PCDH7: variants seen among roughly 807,000 people sequenced by gnomAD.
The protein encoded by PCDH7 is protocadherin 7, also known as protocadherin-7.
In PCDH7, 17 loss-of-function variants were observed where a neutral mutation model predicts 58.9. That is an observed-to-expected ratio of 0.29 (90% CI 0.20 to 0.43). The LOEUF (loss-of-function observed/expected upper bound fraction) is 0.43. Among genes scored for constraint, PCDH7 ranks in the 20% least tolerant of loss-of-function variants. PCDH7 has a pLI of 1.00. For missense variants in PCDH7, 1,274 were observed against 1,441.0 expected (o/e 0.88, Z 1.88); for synonymous variants, 664 against 616.4 (o/e 1.08, Z -1.14).
intron 3 of PCDH7, among the ~76,000 whole-genome samples, chr4:31,006,713 A>G (rs942339177): frequency 4.6e-5 from 7 of 151,836 alleles, no homozygotes; most frequent in Non-Finnish European, 8.8e-5. Flanking sequence ...ACCAACATGG[A>G]AAAACCCTGT....
chr4:31,025,390 G>C (rs1160309608), intron 3 of PCDH7, among the ~76,000 whole-genome samples: 2 of 152,158 alleles, frequency 1.3e-5, no homozygotes, highest in Non-Finnish European at 2.9e-5. Context: ...CTAATAATTG[G>C]AAGAAATCCC....
At chr4:30,988,942 A>G (rs1463265197) in intron 3 of PCDH7, among the ~76,000 whole-genome samples, 1 of 152,188 alleles carries the variant, frequency 6.6e-6, no homozygotes, top group African/African-American at 2.4e-5. Flanking sequence ...AGAAAAACTG[A>G]CAGCTTGATT....
intron 1 of PCDH7, among the ~76,000 whole-genome samples, chr4:30,871,015 G>A (rs1050418977): frequency 5.9e-5 from 9 of 151,978 alleles, no homozygotes; most frequent in African/African-American, 1.2e-4. Flanking sequence ...TGAGGTTTGC[G>A]CTGATGGCAA....
At chr4:30,840,055 G>GTGC (rs1390661102) in intron 1 of PCDH7, among the ~76,000 whole-genome samples, 1 of 139,852 alleles carries the variant, frequency 7.2e-6, no homozygotes, top group African/African-American at 2.9e-5. Context: ...TGTGTGTGTG[G>GTGC]TTTTGTAACT....
intron 1 of PCDH7, among the ~76,000 whole-genome samples, chr4:30,773,500 T>C (rs1050183684): frequency 1.3e-5 from 2 of 152,124 alleles, no homozygotes; most frequent in Non-Finnish European, 2.9e-5. Flanking sequence ...TTTTTTTCTT[T>C]TTCTTTTTTG....
intron 3 of PCDH7, among the ~76,000 whole-genome samples, chr4:30,984,946 ACT>A (rs1402423112): frequency 6.6e-6 from 1 of 151,688 alleles, no homozygotes; most frequent in African/African-American, 2.4e-5. Flanking sequence ...ACATTTGTGC[ACT>A]GTTTTATATT....
At chr4:31,080,956 C>T (rs1289136676) in intron 3 of PCDH7, among the ~76,000 whole-genome samples, 3 of 152,162 alleles carry the variant, frequency 2.0e-5, no homozygotes, top group Non-Finnish European at 4.4e-5. Context: ...TTCATTCTCT[C>T]TTGTCTGTCG....
At chr4:30,863,805 T>G (rs10010406) in intron 1 of PCDH7, among the ~76,000 whole-genome samples, 3,480 of 152,226 alleles carry the variant, frequency 0.023, 130 homozygotes, top group African/African-American at 0.079. Context: ...TTGTGGGTTT[T>G]TTCCAACCCC....
At chr4:31,033,096 T>C (rs958105007) in intron 3 of PCDH7, among the ~76,000 whole-genome samples, 3 of 152,214 alleles carry the variant, frequency 2.0e-5, no homozygotes, top group African/African-American at 7.2e-5. Context: ...AGTAATATTA[T>C]CTGATTTTTT....
At chr4:30,754,052 C>T (rs1027399284) in intron 1 of PCDH7, among the ~76,000 whole-genome samples, 4 of 152,212 alleles carry the variant, frequency 2.6e-5, no homozygotes, top group South Asian at 2.1e-4. Context: ...CCTATACACA[C>T]GCTTCTCCAA....
At chr4:30,764,208 A>C (rs1720403731) in intron 1 of PCDH7, among the ~76,000 whole-genome samples, 1 of 152,166 alleles carries the variant, frequency 6.6e-6, no homozygotes. Flanking sequence ...TCGTAAAGTT[A>C]CACACACTTC....
intron 3 of PCDH7, among the ~76,000 whole-genome samples, chr4:30,981,875 G>T (rs1388542922): frequency 6.6e-6 from 1 of 152,118 alleles, no homozygotes; most frequent in African/African-American, 2.4e-5. Flanking sequence ...TTACACTGTA[G>T]AATGCCATTC....
At chr4:31,100,085 A>G (rs894013442) in intron 3 of PCDH7, among the ~76,000 whole-genome samples, 6 of 151,900 alleles carry the variant, frequency 3.9e-5, no homozygotes, top group African/African-American at 1.2e-4. Context: ...TTACATAAAA[A>G]CCTCCACAGC....
intron 3 of PCDH7, among the ~76,000 whole-genome samples, chr4:30,979,362 G>A (rs1325366691): frequency 1.3e-5 from 2 of 150,786 alleles, no homozygotes; most frequent in Non-Finnish European, 3.0e-5. Context: ...AAAAAAATTT[G>A]GTACTACCTG....
chr4:31,073,404 C>A (rs903376338), intron 3 of PCDH7, among the ~76,000 whole-genome samples: 1 of 152,128 alleles, frequency 6.6e-6, no homozygotes, highest in Admixed American at 6.6e-5. Context: ...TCAATCATTA[C>A]AAAGAACTGA....
At chr4:31,078,603 C>CATAGGCAA (rs778847825) in intron 3 of PCDH7, among the ~76,000 whole-genome samples, 1 of 139,900 alleles carries the variant, frequency 7.1e-6, no homozygotes, top group Admixed American at 7.3e-5. Context: ...GGGCTGGGAT[C>CATAGGCAA]ATAGGCAAGA....
At chr4:31,006,438 A>G (rs1313913014) in intron 3 of PCDH7, among the ~76,000 whole-genome samples, 3 of 152,182 alleles carry the variant, frequency 2.0e-5, no homozygotes, top group African/African-American at 7.2e-5. Context: ...ACAATAACAA[A>G]TCTTAGCTGA....
chr4:30,761,712 A>G (rs1205254468), intron 1 of PCDH7, among the ~76,000 whole-genome samples: 1 of 152,212 alleles, frequency 6.6e-6, no homozygotes, highest in East Asian at 1.9e-4. Context: ...GAAAGGTCCA[A>G]ATTCAATCAC....
intron 3 of PCDH7, among the ~76,000 whole-genome samples, chr4:31,097,635 T>TAAAA (rs1366554438): frequency 4.4e-5 from 2 of 45,698 alleles, no homozygotes; most frequent in African/African-American, 2.4e-4. Context: ...TATATATATA[T>TAAAA]ATAAATCTTT....
Sources: allele counts gnomAD v4.1 joint callset (sites outside exome capture counted in the v4.1 genomes callset), GRCh38; gene constraint gnomAD v4.1.1; transcripts MANE v1.5; gene names NCBI Gene and HGNC (gene_info 2026-07-23, HGNC 2026-07-21).